The following DAB1 variants were observed in gnomAD, a reference collection of about 807,000 sequenced individuals.
DAB1 encodes disabled homolog 1.
A neutral mutation model predicts 64.6 loss-of-function variants in DAB1; 15 were observed. The ratio of observed to expected loss-of-function variants is 0.23; its 90% CI spans 0.16 to 0.36. The LOEUF (loss-of-function observed/expected upper bound fraction) is 0.36, where lower values mean the gene tolerates loss of function less well. Ranked by LOEUF, DAB1 falls within the 10% of genes least tolerant of loss-of-function variation. The probability of loss-of-function intolerance (pLI) is 1.00; values close to 1 mark genes in which losing one functional copy is unlikely to be tolerated. For missense variants in DAB1, 596 were observed against 706.7 expected (o/e 0.84, Z 1.78); for synonymous variants, 235 against 251.9 (o/e 0.93, Z 0.64).
At chr1:57,736,054 AG>A (rs1235534030) in intron 6 of DAB1, among the ~76,000 whole-genome samples, 3 of 152,320 alleles carry the variant, frequency 2.0e-5, no homozygotes, top group African/African-American at 7.2e-5. Flanking sequence ...TTTAAAAAAA[AG>A]AACTACATTT....
At chr1:57,684,090 G>GA (rs1450231298) in intron 6 of DAB1, among the ~76,000 whole-genome samples, 5 of 151,896 alleles carry the variant, frequency 3.3e-5, no homozygotes, top group Non-Finnish European at 7.4e-5. Context: ...TTAAACAAAT[G>GA]AAAAAAACCT....
At chr1:57,259,524 A>G (rs1411728896) in intron 2 of DAB1, among the ~76,000 whole-genome samples, 1 of 152,136 alleles carries the variant, frequency 6.6e-6, no homozygotes, top group Non-Finnish European at 1.5e-5. Flanking sequence ...CCACATGTGC[A>G]AAGACTTAAA....
At chr1:57,005,176 G>A (rs1334097355) in intron 14 of DAB1, among the ~76,000 whole-genome samples, 2 of 152,136 alleles carry the variant, frequency 1.3e-5, no homozygotes, top group Non-Finnish European at 2.9e-5. Context: ...CACCACCTGA[G>A]TTTCGAGGCA....
intron 1 of DAB1, among the ~76,000 whole-genome samples, chr1:57,393,191 G>A (rs925833975): frequency 3.3e-5 from 5 of 152,164 alleles, no homozygotes; most frequent in Admixed American, 3.3e-4. Flanking sequence ...AAATGGGGAT[G>A]ATTATAATAG....
At chr1:57,764,299 T>C (rs1649213390) in intron 6 of DAB1, among the ~76,000 whole-genome samples, 1 of 152,174 alleles carries the variant, frequency 6.6e-6, no homozygotes, top group African/African-American at 2.4e-5. Flanking sequence ...TTAATTCTCC[T>C]TTTTTAATTA....
At chr1:57,711,637 A>G (rs1318151469) in intron 6 of DAB1, among the ~76,000 whole-genome samples, 1 of 152,214 alleles carries the variant, frequency 6.6e-6, no homozygotes, top group Non-Finnish European at 1.5e-5. Context: ...AGGTTGTTAG[A>G]AAGACAGATT....
At chr1:57,248,826 G>A (rs1427046864) in intron 2 of DAB1, among the ~76,000 whole-genome samples, 1 of 152,136 alleles carries the variant, frequency 6.6e-6, no homozygotes, top group African/African-American at 2.4e-5. Flanking sequence ...TACTGTATAT[G>A]GGATGTTATT....
chr1:57,571,140 C>A (rs2793639), intron 7 of DAB1, among the ~76,000 whole-genome samples: 69,649 of 151,878 alleles, frequency 0.46, 15,926 homozygotes, highest in South Asian at 0.6. Context: ...ATCATCATGT[C>A]ATCAGAAAAG....
chr1:58,028,297 T>A (rs996912271), intron 5 of DAB1, among the ~76,000 whole-genome samples: 2 of 152,226 alleles, frequency 1.3e-5, no homozygotes, highest in African/African-American at 4.8e-5. Context: ...TTGTTTTATG[T>A]GTTTCTGTTT....
intron 1 of DAB1, among the ~76,000 whole-genome samples, chr1:58,536,149 C>G (rs1192413950): frequency 6.6e-6 from 1 of 152,042 alleles, no homozygotes; most frequent in East Asian, 1.9e-4. Context: ...CCCAGTAAAG[C>G]CAAGCAATGG....
At chr1:57,439,425 C>CCT (rs1685833584) in intron 7 of DAB1, among the ~76,000 whole-genome samples, 3 of 98,000 alleles carry the variant, frequency 3.1e-5, no homozygotes, top group African/African-American at 1.5e-4. Context: ...GAGGTTTTTT[C>CCT]TTTTTTTTTT....
At chr1:57,480,491 CT>C (rs150899061) in intron 7 of DAB1, among the ~76,000 whole-genome samples, 22 of 146,768 alleles carry the variant, frequency 1.5e-4, no homozygotes, top group African/African-American at 3.0e-4. Context: ...GTGTAATTTT[CT>C]TTTTTTTTTT....
intron 2 of DAB1, among the ~76,000 whole-genome samples, chr1:57,180,966 A>G (rs1662862526): frequency 6.6e-6 from 1 of 152,112 alleles, no homozygotes. Context: ...GCCCACATAA[A>G]TCTATGTGTA....
At chr1:57,302,315 T>G (rs1478455194) in intron 1 of DAB1, among the ~76,000 whole-genome samples, 1 of 152,048 alleles carries the variant, frequency 6.6e-6, no homozygotes, top group African/African-American at 2.4e-5. Flanking sequence ...CACAAAAACG[T>G]AAAAATTCAA....
At chr1:58,197,405 C>CTTTT (rs67608803) in intron 4 of DAB1, among the ~76,000 whole-genome samples, 2 of 148,124 alleles carry the variant, frequency 1.4e-5, no homozygotes, top group East Asian at 4.0e-4. Flanking sequence ...GAGAGTTACA[C>CTTTT]TTTTTTTTTT....
At chr1:57,263,379 C>A (rs1246598096) in intron 2 of DAB1, among the ~76,000 whole-genome samples, 1 of 152,104 alleles carries the variant, frequency 6.6e-6, no homozygotes, top group Admixed American at 6.5e-5. Flanking sequence ...TTTGGCCTCC[C>A]AAAGTGCTGG....
intron 5 of DAB1, among the ~76,000 whole-genome samples, chr1:57,895,401 G>A (rs1000154058): frequency 3.3e-5 from 5 of 152,142 alleles, no homozygotes; most frequent in Non-Finnish European, 7.3e-5. Flanking sequence ...CAGGCAGTCT[G>A]GCTACAGGGT....
chr1:57,897,747 G>A (rs892928065), intron 5 of DAB1, among the ~76,000 whole-genome samples: 6 of 152,154 alleles, frequency 3.9e-5, no homozygotes, highest in African/African-American at 1.4e-4. Flanking sequence ...AGGAATGTTA[G>A]AGGAGGAGGA....
intron 5 of DAB1, among the ~76,000 whole-genome samples, chr1:57,928,187 C>T (rs1050612163): frequency 1.4e-4 from 22 of 152,098 alleles, no homozygotes; most frequent in Non-Finnish European, 2.6e-4. Flanking sequence ...CTTATCAAGG[C>T]GTTAAACATT....
Sources: allele counts gnomAD v4.1 joint callset (sites outside exome capture counted in the v4.1 genomes callset), GRCh38; gene constraint gnomAD v4.1.1; transcripts MANE v1.5; gene names NCBI Gene and HGNC (gene_info 2026-07-23, HGNC 2026-07-21).